The following EPB41 variants were observed in gnomAD, a reference collection of about 807,000 sequenced individuals.
The protein encoded by EPB41 is protein 4.1.
EPB41 carries 65 observed loss-of-function variants against 108.0 expected under a neutral mutation model. That is an observed-to-expected ratio of 0.60 (90% CI 0.49 to 0.74). The LOEUF is 0.74. EPB41 is among the 30% of genes least tolerant of loss of function. The pLI is 0.00. For missense variants in EPB41, 875 were observed against 1,037.0 expected, an observed-to-expected ratio of 0.84 and a Z score of 2.15; for synonymous variants, 336 against 358.9, an observed-to-expected ratio of 0.94 and a Z score of 0.72.
chr1:28,954,426 G>T (rs767521792), intron 1 of EPB41, among the ~76,000 whole-genome samples: 2 of 152,118 alleles, frequency 1.3e-5, no homozygotes, highest in African/African-American at 2.4e-5. Flanking sequence ...TTGGTTTGAG[G>T]TTGCTGTTCC....
At position 28,973,145 on chromosome 1, in the gene EPB41, A is replaced by G. The variant is rs1480010664; in HGVS notation, c.-7-14286A>G. On this transcript the variant is annotated intron_variant, in intron 1 of 20. Transcript: ENST00000343067. ...TTTCTAGCATAGTTTTGAAACCTTC[A>G]TACTTGAACATATTTTCTTTCTGTC... Among the ~76,000 whole-genome samples, 8 of 152,286 alleles carry G rather than the reference A, an allele frequency of 5.3e-5. No individual in the cohort carries two copies. The East Asian group carries it at 1.5e-3, about 29-fold the overall frequency.
intron 9 of EPB41, among the ~76,000 whole-genome samples, chr1:29,033,890 G>A (rs1334368566): frequency 1.3e-5 from 2 of 152,140 alleles, no homozygotes; most frequent in African/African-American, 2.4e-5. Context: ...AAAAGACCTG[G>A]ACAAATCTAA....
At chr1:28,905,580 C>T (rs2091745758) in intron 1 of EPB41, among the ~76,000 whole-genome samples, 3 of 152,024 alleles carry the variant, frequency 2.0e-5, no homozygotes, top group Non-Finnish European at 2.9e-5. Context: ...ATCTGCCAGC[C>T]AGGAAGAGCA....
At chr1:28,986,497 G>A (rs1035620584) in intron 1 of EPB41, among the ~76,000 whole-genome samples, 1 of 152,134 alleles carries the variant, frequency 6.6e-6, no homozygotes, top group Admixed American at 6.6e-5. Flanking sequence ...CCTCCCCTAC[G>A]AGTGAATCAA....
intron 14 of EPB41, 110 bp from the exon 15 acceptor site, chr1:29,060,312 G>A (rs1646289081): frequency 1.1e-6 from 1 of 875,054 alleles, no homozygotes; most frequent in African/African-American, 1.7e-5. Flanking sequence ...GCTGCGCTGT[G>A]GACATTTATT....
intron 1 of EPB41, among the ~76,000 whole-genome samples, chr1:28,951,178 C>T (rs1038341540): frequency 2.0e-5 from 3 of 152,120 alleles, no homozygotes; most frequent in African/African-American, 7.2e-5. Flanking sequence ...ATATAACCCT[C>T]TTCAATTTAC....
At chr1:29,067,426 G>A (rs1459658036) in intron 16 of EPB41, among the ~76,000 whole-genome samples, 1 of 149,616 alleles carries the variant, frequency 6.7e-6, no homozygotes, top group Non-Finnish European at 1.5e-5. Context: ...AACCTGGGAG[G>A]CGGAGCTTGC....
Position 29,115,556 on chromosome 1 carries a change from T to A in EPB41, c.2497-143T>A. ...CAGGATAGGGTGGGTAAGGTAATTATCAGCTTGGCTTAGCCTAAAGCTGCC... is the reference window on the plus strand; with the variant it reads ...CAGGATAGGGTGGGTAAGGTAATTAACAGCTTGGCTTAGCCTAAAGCTGCC... On this transcript the variant is annotated intron_variant, in intron 19 of 20. Coordinates refer to ENST00000343067, the MANE Select transcript of EPB41 (RefSeq NM_001376013.1). This position sits in a 1 kb window ranked among gnomAD's most constrained non-coding sequence, Gnocchi z 4.4. 1.4e-6 allele frequency: 1 copy of A among 709,874 alleles called. No individual in the cohort carries two copies. Among genetic ancestry groups the A allele is most frequent in the Non-Finnish European group, 2.5e-6 (1 of 400,752 alleles). 44.0% of individuals were successfully genotyped at this position (709,874 alleles called of 1,614,324 possible).
chr1:29,113,459 T>G (rs1669876954), intron 19 of EPB41, among the ~76,000 whole-genome samples: 1 of 152,224 alleles, frequency 6.6e-6, no homozygotes, highest in Non-Finnish European at 1.5e-5. Flanking sequence ...CTGCAAAGCC[T>G]AAATATCTTG....
chr1:28,940,380 G>A (rs559741694), intron 1 of EPB41, among the ~76,000 whole-genome samples: 52 of 152,296 alleles, frequency 3.4e-4, no homozygotes, highest in South Asian at 1.0e-3. Flanking sequence ...CGCCAGGGGC[G>A]GTGGCTCACG....
intron 2 of EPB41, among the ~76,000 whole-genome samples, chr1:28,990,502 C>G (rs1182200239): frequency 1.3e-5 from 2 of 151,640 alleles, no homozygotes; most frequent in African/African-American, 4.9e-5. Context: ...CTCACTACAG[C>G]CTCAACCTCC....
rs564060093 is a variant in EPB41 at position 28,889,825 on chromosome 1, C to G, written c.-8+2615C>G. On this transcript the variant is annotated intron_variant, in intron 1 of 16. Coordinates refer to the EPB41 transcript ENST00000347529. ...TTATTCTCTAAGCCTTTCTTGAGCA[C>G]GTACTGTGCACCATATACAGGTCTG... 7 of 985,334 alleles carry G rather than the reference C, an allele frequency of 7.1e-6. No homozygotes were observed. The African/African-American group carries it at 1.0e-4, about 15-fold the overall frequency. 61.0% of individuals were successfully genotyped at this position (985,334 alleles called of 1,614,324 possible).
chr1:29,043,067 CACAA>C (rs1174815461), intron 11 of EPB41, among the ~76,000 whole-genome samples: 1 of 152,114 alleles, frequency 6.6e-6, no homozygotes, highest in Non-Finnish European at 1.5e-5. Context: ...GCCGTGAGCA[CACAA>C]ACATAGTCTC....
At chr1:28,957,643 G>A (rs982746125) in intron 1 of EPB41, among the ~76,000 whole-genome samples, 8 of 152,138 alleles carry the variant, frequency 5.3e-5, no homozygotes, top group East Asian at 1.9e-4. Context: ...GACCTCAGGC[G>A]ATCCACCCGC....
chr1:28,976,105 C>T (rs1198651231), intron 1 of EPB41, among the ~76,000 whole-genome samples: 1 of 152,118 alleles, frequency 6.6e-6, no homozygotes, highest in Non-Finnish European at 1.5e-5. Flanking sequence ...GAGGTAGAAG[C>T]ATCTGAAGTA....
intron 1 of EPB41, among the ~76,000 whole-genome samples, chr1:28,980,349 A>T (rs2095708612): frequency 6.6e-6 from 1 of 152,100 alleles, no homozygotes. Flanking sequence ...AAAAAATAAA[A>T]TAATAAAATA....
intron 1 of EPB41, among the ~76,000 whole-genome samples, chr1:28,894,106 G>A (rs961260534): frequency 6.6e-6 from 1 of 152,176 alleles, no homozygotes; most frequent in African/African-American, 2.4e-5. Flanking sequence ...GCATACAGGT[G>A]GGTGATTCTT....
chr1:29,065,362 A>G (rs768871630), intron 16 of EPB41: 1 of 826,870 alleles, frequency 1.2e-6, no homozygotes, highest in Non-Finnish European at 1.7e-6. Context: ...TATAGGAGCT[A>G]TTTGGAGCCA....
chr1:28,939,441 T>A (rs1012779376), intron 1 of EPB41, among the ~76,000 whole-genome samples: 1 of 151,958 alleles, frequency 6.6e-6, no homozygotes, highest in Admixed American at 6.6e-5. Context: ...TTATTTATTT[T>A]TTATTTTTAT....
Sources: allele counts gnomAD v4.1 joint callset (sites outside exome capture counted in the v4.1 genomes callset), GRCh38; gene constraint gnomAD v4.1.1; non-coding constraint Gnocchi (gnomAD v3.1); transcripts MANE v1.5; gene names NCBI Gene and HGNC (gene_info 2026-07-23, HGNC 2026-07-21).